The following SARS2 variants were observed in gnomAD, a reference collection of about 807,000 sequenced individuals.
SARS2 encodes the protein seryl-tRNA synthetase 2, mitochondrial.
A neutral mutation model predicts 66.8 loss-of-function variants in SARS2; 52 were observed. That is an observed-to-expected ratio of 0.78 (90% CI 0.62 to 0.98). The LOEUF (loss-of-function observed/expected upper bound fraction) is 0.98. SARS2 is among the 50% of genes least tolerant of loss of function. SARS2 has a pLI of 0.00. For missense variants in SARS2, 673 were observed against 706.3 expected (o/e 0.95, Z 0.53); for synonymous variants, 306 against 281.4 (o/e 1.09, Z -0.87).
At chr19:38,928,331 T>TTGTGCGACTGCACTCAGG (rs1421131898) in intron 1 of SARS2, 9 of 150,630 alleles carry the variant, frequency 6.0e-5, no homozygotes, top group Non-Finnish European at 1.0e-4. Context: ...TGACCGGAGA[T>TTGTGCGACTGCACTCAGG]TGTGCGACTG....
intron 1 of SARS2, among the ~76,000 whole-genome samples, chr19:38,929,413 G>A (rs970923314): frequency 1.3e-5 from 2 of 150,842 alleles, no homozygotes; most frequent in African/African-American, 4.9e-5. Flanking sequence ...AAGTTTAGCC[G>A]GGCGTGGTGG....
chr19:38,919,955 G>C, intron 6 of SARS2, 88 bp from the exon 7 acceptor site: 4 of 1,358,476 alleles, frequency 2.9e-6, no homozygotes, highest in East Asian at 2.4e-5. Context: ...AGGCCCGGCT[G>C]CTGGGTGGGG....
intron 5 of SARS2, among the ~76,000 whole-genome samples, 178 bp from the exon 6 acceptor site, chr19:38,920,327 G>A (rs1467217222): frequency 9.2e-5 from 14 of 151,752 alleles, no homozygotes; most frequent in African/African-American, 2.7e-4. Flanking sequence ...AGACAGACAG[G>A]AAGGGAGGGA....
rs35389151 is a variant in SARS2, at chr19:38,919,825, G to T, written c.696C>A (p.Arg232=). ...CGTGCTGCAGGAGGGCTCCAGCCCCGCGCAGGTAATAGGACCGGTGGCCAG... is the reference window on the plus strand; with the variant it reads ...CGTGCTGCAGGAGGGCTCCAGCCCCTCGCAGGTAATAGGACCGGTGGCCAG... ...HVSGHRSYYL[R]GAGALLQHGL... is the part of the protein sequence containing the mutation. The change falls in exon 7 of 16, where the codon CGC becomes CGA. Residue 232 remains arginine, a synonymous_variant. Transcript: ENST00000221431. 8 of 1,614,158 alleles carry T rather than the reference G, an allele frequency of 5.0e-6. No individual in the cohort carries two copies. The highest frequency in any genetic ancestry group is 1.3e-5 in the African/African-American group (1 of 75,036).
At chr19:38,926,719 G>C (rs1006230764) in intron 1 of SARS2, among the ~76,000 whole-genome samples, 11 of 152,136 alleles carry the variant, frequency 7.2e-5, no homozygotes, top group Non-Finnish European at 1.5e-4. Context: ...CCAGGAAGCG[G>C]AGGTTGCACT....
At chr19:38,921,912 C>A in intron 3 of SARS2, 1 of 1,467,434 alleles carries the variant, frequency 6.8e-7, no homozygotes, top group Non-Finnish European at 9.3e-7. Flanking sequence ...CAGAGACAGG[C>A]ACCTGATGTC....
chr19:38,925,957 C>T (rs986081876), intron 2 of SARS2, among the ~76,000 whole-genome samples: 2 of 152,282 alleles, frequency 1.3e-5, no homozygotes, highest in South Asian at 2.1e-4. Context: ...CCTGGGATTA[C>T]AGGTGTCCAC....
At chr19:38,921,329 C>A (rs978957426) in intron 5 of SARS2, 63 bp downstream of exon 5, 1 of 1,578,398 alleles carries the variant, frequency 6.3e-7, no homozygotes. Context: ...GGCCCCCACC[C>A]CGAGACCCCA....
intron 1 of SARS2, among the ~76,000 whole-genome samples, chr19:38,929,601 G>A (rs1373511912): frequency 1.3e-5 from 2 of 148,238 alleles, no homozygotes; most frequent in African/African-American, 2.5e-5. Flanking sequence ...AGGCCAGAAA[G>A]CACAGGTTAA....
chr19:38,916,726 G>A (rs534540006), intron 12 of SARS2, among the ~76,000 whole-genome samples: 117 of 149,372 alleles, frequency 7.8e-4, no homozygotes, highest in African/African-American at 2.8e-3. Context: ...GCAGTGGCGC[G>A]ATCTCGGCTC....
intron 5 of SARS2, among the ~76,000 whole-genome samples, chr19:38,920,417 T>C (rs1321810529): frequency 6.7e-6 from 1 of 148,612 alleles, no homozygotes; most frequent in Non-Finnish European, 1.5e-5. Context: ...AAGGCAGAGT[T>C]AGAAACAGAG....
intron 1 of SARS2, 23 bp downstream of exon 1, chr19:38,930,447 C>G (rs368663569): frequency 1.6e-5 from 25 of 1,580,994 alleles, no homozygotes; most frequent in South Asian, 3.3e-5. Context: ...TCTGCGCCCC[C>G]CGGCCGGCGC....
chr19:38,928,842 T>C (rs187748207), intron 1 of SARS2, among the ~76,000 whole-genome samples: 1 of 152,332 alleles, frequency 6.6e-6, no homozygotes, highest in African/African-American at 2.4e-5. Flanking sequence ...AATGAGTATA[T>C]CTGTCTCTAT....
In SARS2 at chr19:38,915,877, G is replaced by A; in HGVS notation, c.1377C>T (p.Arg459=). Residue 459 remains arginine, a synonymous_variant, in exon 15 of 16, where the codon CGC becomes CGT. Coordinates refer to ENST00000221431, the MANE Select transcript of SARS2 (RefSeq NM_017827.4). ...TACTCTCCAGGAGCGCGATGAGAAG[G>A]CGGGGGACAGCACAGGCGGTGGCGT... The part of the protein sequence containing the change: ...TVNATACAVP[R]LLIALLESNQ... 3 of 1,613,924 alleles carry A rather than the reference G, an allele frequency of 1.9e-6. No individual in the cohort carries two copies. The highest frequency in any genetic ancestry group is 2.5e-6 in the Non-Finnish European group (3 of 1,180,006).
rs749994514 is a variant in SARS2, at chr19:38,915,746, C to A, written c.1417G>T (p.Gly473Cys). The change falls in exon 16 of 16, where the codon GGC becomes TGC. Residue 473 changes from glycine to cysteine, a missense_variant. Gly to Cys is a radical substitution (Grantham distance 159). Transcript: ENST00000221431. ...ALLESNQQKD[G>C]SVLVPPALQS... is the part of the protein sequence containing the mutation. ...AGGGCAGGGGGCACGAGCACTGAGCCGTCCTGGGGACAGAGCAGACCTCAG... is the reference window on the plus strand; with the variant it reads ...AGGGCAGGGGGCACGAGCACTGAGCAGTCCTGGGGACAGAGCAGACCTCAG... 3 of 1,613,214 alleles carry A rather than the reference C, an allele frequency of 1.9e-6. No individual in the cohort carries two copies. The highest frequency in any genetic ancestry group is 2.2e-5 in the South Asian group (2 of 91,066).
At chr19:38,927,061 T>C (rs1303384768) in intron 1 of SARS2, among the ~76,000 whole-genome samples, 1 of 151,468 alleles carries the variant, frequency 6.6e-6, no homozygotes, top group Non-Finnish European at 1.5e-5. Context: ...CTTAGCTTCC[T>C]GAGTAGCTGG....
chr19:38,921,148 G>A (rs1364395087), intron 5 of SARS2, among the ~76,000 whole-genome samples: 2 of 151,976 alleles, frequency 1.3e-5, no homozygotes, highest in Non-Finnish European at 2.9e-5. Flanking sequence ...ACACACATAC[G>A]ATACAATCAC....
chr19:38,927,216 G>A (rs985202005), intron 1 of SARS2, among the ~76,000 whole-genome samples: 1 of 152,092 alleles, frequency 6.6e-6, no homozygotes, highest in Non-Finnish European at 1.5e-5. Flanking sequence ...GGGATTGCAG[G>A]TGTGAGCCAC....
At chr19:38,925,555 C>T (rs1331395957) in intron 2 of SARS2, among the ~76,000 whole-genome samples, 6 of 152,150 alleles carry the variant, frequency 3.9e-5, no homozygotes, top group Admixed American at 3.9e-4. Context: ...GGTGTACTTG[C>T]TCCTGAAAAA....
Sources: gnomAD v4.1 joint callset for allele counts (sites outside exome capture counted in the v4.1 genomes callset) on GRCh38, gnomAD v4.1.1 for gene constraint, MANE v1.5 for transcripts, NCBI Gene and HGNC (gene_info 2026-07-23, HGNC 2026-07-21) for gene names.